Variants in AGBL4 observed in about 807,000 individuals in gnomAD.
AGBL4 encodes the protein AGBL carboxypeptidase 4.
AGBL4 carries 58 observed loss-of-function variants against 66.4 expected under a neutral mutation model. The observed-to-expected ratio is 0.87, with a 90% CI of 0.71 to 1.09. The LOEUF is 1.09. Ranked by LOEUF, AGBL4 falls within the 50% of genes least tolerant of loss-of-function variation. The probability of loss-of-function intolerance (pLI) is 0.00; values close to 1 mark genes in which losing one functional copy is unlikely to be tolerated. For missense variants in AGBL4, 579 were observed against 631.0 expected (o/e 0.92, Z 0.88); for synonymous variants, 234 against 222.9 (o/e 1.05, Z -0.44).
At chr1:49,466,983 A>G (rs1005218403) in intron 3 of AGBL4, among the ~76,000 whole-genome samples, 3 of 151,862 alleles carry the variant, frequency 2.0e-5, no homozygotes, top group Non-Finnish European at 4.4e-5. Flanking sequence ...AAATCTGATG[A>G]CATACAGGAG....
At chr1:49,276,991 A>T (rs1644180683) in intron 3 of AGBL4, among the ~76,000 whole-genome samples, 1 of 152,152 alleles carries the variant, frequency 6.6e-6, no homozygotes, top group Non-Finnish European at 1.5e-5. Flanking sequence ...TAGCCAAAGG[A>T]TATACTATTT....
At chr1:49,417,029 C>A (rs1057398259) in intron 3 of AGBL4, among the ~76,000 whole-genome samples, 1 of 152,114 alleles carries the variant, frequency 6.6e-6, no homozygotes, top group African/African-American at 2.4e-5. Context: ...GCACTTTCAC[C>A]CACTGTATTC....
At chr1:48,610,822 A>G (rs768228247) in intron 9 of AGBL4, among the ~76,000 whole-genome samples, 1 of 152,188 alleles carries the variant, frequency 6.6e-6, no homozygotes, top group Non-Finnish European at 1.5e-5. Flanking sequence ...CACCTCAGGA[A>G]ACCAGCTTCT....
chr1:48,850,062 C>G (rs1646999945), intron 6 of AGBL4, among the ~76,000 whole-genome samples: 1 of 152,214 alleles, frequency 6.6e-6, no homozygotes, highest in Non-Finnish European at 1.5e-5. Context: ...AGTGAGAACA[C>G]TCTCCCAGCA....
intron 3 of AGBL4, among the ~76,000 whole-genome samples, chr1:49,571,322 C>G (rs1475883470): frequency 6.6e-6 from 1 of 151,754 alleles, no homozygotes; most frequent in Non-Finnish European, 1.5e-5. Context: ...TAGATGGATT[C>G]CTAGGTATTT....
intron 5 of AGBL4, among the ~76,000 whole-genome samples, chr1:48,887,704 G>T (rs4244634): frequency 0.012 from 1,773 of 152,044 alleles, 32 homozygotes; most frequent in African/African-American, 0.04. Flanking sequence ...TTCAAGATCC[G>T]AGCAAGCAGG....
At chr1:49,285,258 T>C (rs1644377078) in intron 3 of AGBL4, among the ~76,000 whole-genome samples, 1 of 152,016 alleles carries the variant, frequency 6.6e-6, no homozygotes, top group South Asian at 2.1e-4. Flanking sequence ...AACAACCTGC[T>C]CCTGAATGAC....
chr1:49,939,940 G>A (rs907600486), intron 1 of AGBL4, among the ~76,000 whole-genome samples: 59 of 152,040 alleles, frequency 3.9e-4, no homozygotes, highest in African/African-American at 1.3e-3. Context: ...GAAAATTTTC[G>A]TAACCTACTC....
intron 2 of AGBL4, among the ~76,000 whole-genome samples, chr1:49,723,605 G>T (rs1178334301): frequency 2.0e-5 from 3 of 152,036 alleles, no homozygotes; most frequent in African/African-American, 7.2e-5. Flanking sequence ...GCTATGTCTG[G>T]TCATCAAAGC....
At chr1:49,050,569 C>T (rs1644189727) in intron 4 of AGBL4, among the ~76,000 whole-genome samples, 1 of 152,076 alleles carries the variant, frequency 6.6e-6, no homozygotes, top group Non-Finnish European at 1.5e-5. Context: ...AAGTCATGCC[C>T]TGAATATATC....
rs577229839 is a variant in AGBL4, at chr1:48,976,012, G to C, written c.594+69572C>G. Among the ~76,000 whole-genome samples the C allele has an allele frequency of 6.9e-4, 105 of 152,242 alleles. 1 individual carries two copies. In the South Asian group the frequency reaches 0.021, roughly 31 times the overall value. On this transcript the variant is annotated intron_variant, in intron 5 of 13. Transcript: ENST00000371839. The stretch of plus-strand genomic sequence containing the variant: ...TGTTTGAACAGAGAGATGGCCAGAA[G>C]TACATGTCTTCTTATTAATAGCCTA...
At position 48,658,468 on chromosome 1, in the gene AGBL4, AC is replaced by A. The variant is rs1176368304; in HGVS notation, c.724+4683del. ...AGGCCCTTCCTTGACCTGGCACCAG[AC>A]CCCTGTCTGCCCTCAGCTGAGTCCA... is the stretch of plus-strand genomic sequence containing the variant. On this transcript the variant is annotated intron_variant, in intron 7 of 13. Coordinates refer to ENST00000371839, the MANE Select transcript of AGBL4 (RefSeq NM_032785.4). Among the ~76,000 whole-genome samples the A allele has an allele frequency of 9.2e-5, 14 of 152,148 alleles. 1 individual carries two copies. The highest frequency in any genetic ancestry group is 2.9e-4 in the African/African-American group (12 of 41,504).
chr1:49,351,781 T>C (rs919055564), intron 3 of AGBL4, among the ~76,000 whole-genome samples: 1 of 152,184 alleles, frequency 6.6e-6, no homozygotes, highest in African/African-American at 2.4e-5. Context: ...TGCTACTAAC[T>C]TGTGACTATG....
Position 49,499,934 on chromosome 1 carries a change from T to A in AGBL4, c.282+197379A>T, listed in dbSNP as rs566024065. Among the ~76,000 whole-genome samples the A allele has an allele frequency of 2.0e-5, 3 of 152,150 alleles. No homozygotes were observed. In the South Asian group the frequency reaches 6.2e-4, roughly 32 times the overall value. ...GAAATGGTAGATCTACTTTTCATTC[T>A]TTAAAGAATCCCCACACTGTTTTCC... is the stretch of plus-strand genomic sequence containing the variant. On this transcript the variant is annotated intron_variant, in intron 3 of 13. Coordinates refer to ENST00000371839, the MANE Select transcript of AGBL4 (RefSeq NM_032785.4).
chr1:49,136,228 TAAAC>T, intron 4 of AGBL4, among the ~76,000 whole-genome samples: 1 of 152,288 alleles, frequency 6.6e-6, no homozygotes, highest in East Asian at 1.9e-4. Flanking sequence ...GTCTCACTGA[TAAAC>T]ATAAATGTAG....
intron 3 of AGBL4, among the ~76,000 whole-genome samples, chr1:49,305,740 G>A (rs1644838139): frequency 6.7e-6 from 1 of 150,178 alleles, no homozygotes; most frequent in African/African-American, 2.5e-5. Context: ...GCCCAGGCTA[G>A]AGTGCAATGG....
At chr1:50,010,472 A>ACG (rs779148645) in intron 1 of AGBL4, among the ~76,000 whole-genome samples, 5 of 150,956 alleles carry the variant, frequency 3.3e-5, no homozygotes, top group Non-Finnish European at 7.4e-5. Flanking sequence ...AACCACAAAC[A>ACG]CACACACACA....
At chr1:49,950,412 G>A (rs1656054372) in intron 1 of AGBL4, among the ~76,000 whole-genome samples, 1 of 151,428 alleles carries the variant, frequency 6.6e-6, no homozygotes, top group Admixed American at 6.6e-5. Flanking sequence ...GGGGGAAAGG[G>A]AGGGAAAAGG....
chr1:48,658,419 G>A (rs1329700796), intron 7 of AGBL4, among the ~76,000 whole-genome samples: 1 of 152,230 alleles, frequency 6.6e-6, no homozygotes, highest in Non-Finnish European at 1.5e-5. Context: ...CCCAGTGTGT[G>A]ATGTGCACAA....
Sources: gnomAD v4.1 joint callset for allele counts (sites outside exome capture counted in the v4.1 genomes callset) on GRCh38, gnomAD v4.1.1 for gene constraint, MANE v1.5 for transcripts, NCBI Gene and HGNC (gene_info 2026-07-23, HGNC 2026-07-21) for gene names.